CELF2: variants seen among roughly 807,000 people sequenced by gnomAD.
CELF2 encodes CUG triplet repeat RNA-binding protein 2.
In CELF2, 8 loss-of-function variants were observed where a neutral mutation model predicts 62.6. That is an observed-to-expected ratio of 0.13 (90% confidence interval 0.07 to 0.23). CELF2 has a LOEUF of 0.23. CELF2 is among the 10% of genes least tolerant of loss of function. The pLI is 1.00. For synonymous variants in CELF2, 258 were observed against 250.0 expected, an observed-to-expected ratio of 1.03 and a Z score of -0.30; for missense variants, 333 against 671.0, an observed-to-expected ratio of 0.50 and a Z score of 5.56.
chr10:11,281,465 C>G (rs942510601), intron 8 of CELF2, among the ~76,000 whole-genome samples: 1 of 152,142 alleles, frequency 6.6e-6, no homozygotes, highest in Non-Finnish European at 1.5e-5. Context: ...AAGGAAATCA[C>G]GTTAAGAAAC....
At chr10:10,924,155 G>T (rs370175653) in intron 2 of CELF2, 3 of 151,478 alleles carry the variant, frequency 2.0e-5, no homozygotes, top group Non-Finnish European at 4.4e-5. Flanking sequence ...GGTGGCGGGC[G>T]CCTGTAGTCC....
the CELF2 span, among the ~76,000 whole-genome samples, chr10:10,514,379 T>C: frequency 6.6e-6 from 1 of 152,212 alleles, no homozygotes; most frequent in Non-Finnish European, 1.5e-5. Context: ...CTCCTTTTAA[T>C]AGTTATTGGG....
At chr10:10,885,938 A>G (rs143093824) in intron 1 of CELF2, among the ~76,000 whole-genome samples, 4 of 152,212 alleles carry the variant, frequency 2.6e-5, no homozygotes, top group South Asian at 2.1e-4. Context: ...CCCTTTTGCC[A>G]TACAAAATAA....
intron 2 of CELF2, among the ~76,000 whole-genome samples, chr10:10,999,216 A>G (rs1323161229): frequency 6.6e-6 from 1 of 152,208 alleles, no homozygotes; most frequent in East Asian, 1.9e-4. Flanking sequence ...TAGGTAACGC[A>G]CAGGAAGAAT....
At chr10:10,485,617 C>T in the CELF2 span, among the ~76,000 whole-genome samples, 10 of 152,184 alleles carry the variant, frequency 6.6e-5, no homozygotes, top group Non-Finnish European at 1.5e-4. Context: ...GCACTAGCAG[C>T]TTTATATTAA....
At chr10:10,568,667 A>G in the CELF2 span, among the ~76,000 whole-genome samples, 1 of 152,202 alleles carries the variant, frequency 6.6e-6, no homozygotes, top group Non-Finnish European at 1.5e-5. Flanking sequence ...GCACAGAGGC[A>G]TGGCGGTTTG....
At chr10:11,023,388 C>G (rs1037411599) in intron 1 of CELF2, among the ~76,000 whole-genome samples, 2 of 152,198 alleles carry the variant, frequency 1.3e-5, no homozygotes, top group African/African-American at 2.4e-5. Flanking sequence ...AGAAATGGAG[C>G]TGCACATTCC....
the CELF2 span, among the ~76,000 whole-genome samples, chr10:10,528,726 T>A: frequency 6.6e-6 from 1 of 152,224 alleles, no homozygotes; most frequent in East Asian, 1.9e-4. Flanking sequence ...AGATCTTTTA[T>A]CACCAAATAA....
chr10:10,525,412 G>C, the CELF2 span, among the ~76,000 whole-genome samples: 9 of 151,978 alleles, frequency 5.9e-5, no homozygotes, highest in African/African-American at 2.2e-4. Context: ...TATTTTATGT[G>C]TTGCCCCAGG....
the CELF2 span, among the ~76,000 whole-genome samples, chr10:10,605,335 T>C: frequency 1.3e-5 from 2 of 152,118 alleles, no homozygotes; most frequent in South Asian, 4.1e-4. Flanking sequence ...GCTTAATACC[T>C]AGGTGATGGG....
chr10:10,590,588 G>T, the CELF2 span, among the ~76,000 whole-genome samples: 1 of 152,046 alleles, frequency 6.6e-6, no homozygotes, highest in South Asian at 2.1e-4. Flanking sequence ...AGCCACGAAG[G>T]TACCCAGTGT....
At chr10:11,119,864 T>TCTCCCCCCCCCCCCC (rs1399108400) in intron 1 of CELF2, among the ~76,000 whole-genome samples, 27 of 112,076 alleles carry the variant, frequency 2.4e-4, no homozygotes, top group Non-Finnish European at 3.3e-4. Context: ...TGATTCCGCC[T>TCTCCCCCCCCCCCCC]CCCCCCCCCC....
At chr10:11,325,213 C>T (rs1161488023) in intron 11 of CELF2, among the ~76,000 whole-genome samples, 8 of 152,176 alleles carry the variant, frequency 5.3e-5, no homozygotes, top group African/African-American at 1.9e-4. Context: ...CCAAGGCTAA[C>T]GCCCAGGAGA....
At chr10:10,729,990 C>T in the CELF2 span, among the ~76,000 whole-genome samples, 1 of 152,158 alleles carries the variant, frequency 6.6e-6, no homozygotes, top group Admixed American at 6.6e-5. Context: ...AGTAAATTCT[C>T]TTCAGTTTTC....
the CELF2 span, among the ~76,000 whole-genome samples, chr10:10,718,985 CTTT>C: frequency 1.3e-3 from 168 of 125,114 alleles, no homozygotes; most frequent in East Asian, 0.018. Context: ...TTATTATTCT[CTTT>C]TTTTTTTTTT....
chr10:11,154,246 C>G (rs1004239356), intron 1 of CELF2, among the ~76,000 whole-genome samples: 15 of 152,048 alleles, frequency 9.9e-5, no homozygotes, highest in Admixed American at 2.6e-4. Flanking sequence ...AATATCAAAG[C>G]CTATTTTAAT....
rs192761965 is a variant in CELF2, at chr10:10,863,906, T to C, written c.54-56058T>C. On this transcript the variant is annotated intron_variant, in intron 1 of 13. Transcript: ENST00000636488. Reference sequence around the variant, plus strand: ...AACTTTATAACTGTAACCAATCAAATACTTTATTTGTATTACTTTCACATT... The same window carrying C: ...AACTTTATAACTGTAACCAATCAAACACTTTATTTGTATTACTTTCACATT... Among the ~76,000 whole-genome samples, 209 of 152,302 alleles carry C rather than the reference T, an allele frequency of 1.4e-3. 1 individual carries two copies. The highest frequency in any genetic ancestry group is 5.4e-3 in the East Asian group (28 of 5,182).
At chr10:10,815,023 C>T (rs1299809761) in intron 1 of CELF2, among the ~76,000 whole-genome samples, 3 of 152,322 alleles carry the variant, frequency 2.0e-5, no homozygotes, top group Admixed American at 2.0e-4. Context: ...TTGAAAGTGT[C>T]AGTCTGCCTT....
intron 1 of CELF2, among the ~76,000 whole-genome samples, chr10:11,038,005 T>G (rs1016624091): frequency 2.6e-5 from 4 of 152,202 alleles, no homozygotes; most frequent in African/African-American, 9.6e-5. Context: ...GTATGTAGTT[T>G]CTGTAAGACT....
Sources: allele counts gnomAD v4.1 joint callset (sites outside exome capture counted in the v4.1 genomes callset), GRCh38; gene constraint gnomAD v4.1.1; transcripts MANE v1.5; gene names NCBI Gene and HGNC (gene_info 2026-07-23, HGNC 2026-07-21).